ZFYVE28: variants seen among roughly 807,000 people sequenced by gnomAD.
ZFYVE28 encodes lateral signaling target protein 2 homolog.
ZFYVE28 carries 40 observed loss-of-function variants against 82.1 expected under a neutral mutation model. That is an observed-to-expected ratio of 0.49 (90% CI 0.38 to 0.63). The LOEUF is 0.63. Ranked by LOEUF, ZFYVE28 falls within the 30% of genes least tolerant of loss-of-function variation. The pLI, the probability that ZFYVE28 is intolerant of heterozygous loss-of-function variation, is 0.00. For synonymous variants in ZFYVE28, 612 were observed against 546.1 expected, an observed-to-expected ratio of 1.12 and a Z score of -1.68; for missense variants, 1,321 against 1,242.1, an observed-to-expected ratio of 1.06 and a Z score of -0.96.
rs1718976735 is a variant in ZFYVE28, at chr4:2,320,879, A to C, written c.702-608T>G. On this transcript the variant is annotated intron_variant, in intron 6 of 12. Transcript: ENST00000290974. This position sits in a 1 kb window ranked among gnomAD's most constrained non-coding sequence, Gnocchi z 5.1. ...CCAGGACTGGGGCCGCATGTGGCTG[A>C]GGCCGGCTTTCCTCACTGTCCCTCC... Among the ~76,000 whole-genome samples the C allele has an allele frequency of 6.6e-6, 1 of 152,022 alleles. No individual in the cohort carries two copies. Among genetic ancestry groups the C allele is most frequent in the African/African-American group, 2.4e-5 (1 of 41,380 alleles).
rs537903207 is a variant in ZFYVE28, at chr4:2,341,845, C to T, written c.181-230G>A. ...GACCAGCCTGGCCAACATGGCGAAA[C>T]CCCATCTCTACTAAAAATACAAAAA... On this transcript the variant is annotated intron_variant, in intron 2 of 12. Coordinates refer to ENST00000290974, the MANE Select transcript of ZFYVE28 (RefSeq NM_020972.3). This position sits in a 1 kb window ranked among gnomAD's most constrained non-coding sequence, Gnocchi z 4.5. Among the ~76,000 whole-genome samples the T allele has an allele frequency of 1.1e-3, 170 of 152,322 alleles. No individual in the cohort carries two copies. Among genetic ancestry groups the T allele is most frequent in the Admixed American group, 2.9e-3 (44 of 15,306 alleles).
At chr4:2,360,673 C>A (rs1032047638) in intron 1 of ZFYVE28, among the ~76,000 whole-genome samples, 1 of 152,160 alleles carries the variant, frequency 6.6e-6, no homozygotes, top group African/African-American at 2.4e-5. Context: ...ACACAGCTTA[C>A]AAAATTCAGT....
chr4:2,375,052 T>C, intron 1 of ZFYVE28, among the ~76,000 whole-genome samples: 1 of 152,198 alleles, frequency 6.6e-6, no homozygotes. Flanking sequence ...TAAACTCAGA[T>C]GATATGAACA....
chr4:2,392,864 G>A (rs998517209), intron 1 of ZFYVE28, among the ~76,000 whole-genome samples: 1 of 152,164 alleles, frequency 6.6e-6, no homozygotes, highest in Admixed American at 6.5e-5. Flanking sequence ...TGAGTTTAAT[G>A]AGAATCGCAC....
At chr4:2,330,927 T>C (rs1373356141) in intron 6 of ZFYVE28, 3 of 1,533,492 alleles carry the variant, frequency 2.0e-6, no homozygotes, top group African/African-American at 2.8e-5. Context: ...AGGGCAGAGA[T>C]GACACCTTGT....
chr4:2,299,366 T>C (rs1198878307), intron 8 of ZFYVE28, among the ~76,000 whole-genome samples: 1 of 151,892 alleles, frequency 6.6e-6, no homozygotes, highest in Non-Finnish European at 1.5e-5. Flanking sequence ...GGTAATCAGC[T>C]CTTTCTGGAA....
At position 2,305,397 on chromosome 4, in the gene ZFYVE28, G is replaced by A. The variant is rs773509678; in HGVS notation, c.943C>T (p.Pro315Ser). The A allele has an allele frequency of 2.4e-5, 38 of 1,612,670 alleles. No homozygotes were observed. The highest frequency in any genetic ancestry group is 3.1e-5 in the Non-Finnish European group (37 of 1,179,866). The change falls in exon 8 of 13, where the codon CCC becomes TCC. Residue 315 changes from proline (P) to serine (S), a missense_variant. Physicochemically the swap from Pro to Ser is moderately conservative, Grantham distance 74 (BLOSUM62 -1). Around this residue, in one of 2 missense-constraint regions of ZFYVE28, gnomAD observed 978 missense variants for 833.7 expected, o/e 1.17. Transcript: ENST00000290974. ...TTAGCTGAGAGTGGCCCCTCAGGGG[G>A]GAGAGGGGCAGAGAGGGCAGGCGCC... ...ALAPALSAPL[P>S]PEGPLSAKAK... is the part of the protein sequence containing the mutation.
chr4:2,338,547 C>T (rs192356870), intron 4 of ZFYVE28, among the ~76,000 whole-genome samples: 31 of 152,024 alleles, frequency 2.0e-4, no homozygotes, highest in African/African-American at 6.3e-4. Flanking sequence ...GAGCTGAGAT[C>T]GTGCCACTGC....
At chr4:2,386,613 C>G (rs986432351) in intron 1 of ZFYVE28, among the ~76,000 whole-genome samples, 1 of 152,218 alleles carries the variant, frequency 6.6e-6, no homozygotes, top group African/African-American at 2.4e-5. Flanking sequence ...TTGGCTCTCT[C>G]TCCTAAGCCC....
chr4:2,341,718 A>T lies in ZFYVE28; in HGVS notation c.181-103T>A. On this transcript the variant is annotated intron_variant, in intron 2 of 12. Coordinates refer to ENST00000290974, the MANE Select transcript of ZFYVE28 (RefSeq NM_020972.3). The surrounding 1 kb of genome is among the most constrained non-coding windows in gnomAD (Gnocchi z 4.5). ...ACGGTGCATGTGACTGTTTTTTAGG[A>T]TTATTAAAGTGATAGAGGAGGCTAG... is the stretch of plus-strand genomic sequence containing the variant. 1 of 1,494,796 alleles carries T rather than the reference A, an allele frequency of 6.7e-7. No homozygotes were observed. Among genetic ancestry groups the T allele is most frequent in the South Asian group, 1.3e-5 (1 of 78,148 alleles). 92.6% of individuals were successfully genotyped at this position (1,494,796 alleles called of 1,614,324 possible). A position where few individuals can be genotyped will look rare whatever the true frequency, so the allele number is the denominator to read the frequency against.
intron 8 of ZFYVE28, among the ~76,000 whole-genome samples, chr4:2,276,049 G>A (rs2108799869): frequency 6.6e-6 from 1 of 152,380 alleles, no homozygotes; most frequent in Non-Finnish European, 1.5e-5. Flanking sequence ...ACAACTGCCT[G>A]GTATCTAATT....
chr4:2,350,981 C>T (rs927498928), intron 2 of ZFYVE28, among the ~76,000 whole-genome samples: 4 of 152,214 alleles, frequency 2.6e-5, no homozygotes, highest in African/African-American at 4.8e-5. Flanking sequence ...GAACCATAAA[C>T]GAAGTGTTTC....
chr4:2,418,327 C>T lies in ZFYVE28; in HGVS notation c.-4G>A, dbSNP rs1381200677. The T allele has an allele frequency of 5.3e-6, 8 of 1,518,532 alleles. No homozygotes were observed. Among genetic ancestry groups the T allele is most frequent in the Non-Finnish European group, 5.3e-6 (6 of 1,131,304 alleles). 94.1% of individuals were successfully genotyped at this position (1,518,532 alleles called of 1,614,324 possible). A position where few individuals can be genotyped will look rare whatever the true frequency, so the allele number is the denominator to read the frequency against. On this transcript the variant is annotated 5_prime_UTR_variant, in exon 1 of 13. Transcript: ENST00000290974. The surrounding 1 kb of genome is among the most constrained non-coding windows in gnomAD (Gnocchi z 4.6). ...ACTTTCGGAACCTGTTCATCATCGC[C>T]GCGCCGGCCCTGGCCGGACTCCGGG...
chr4:2,388,067 C>A (rs1378100595), intron 1 of ZFYVE28, among the ~76,000 whole-genome samples: 1 of 152,226 alleles, frequency 6.6e-6, no homozygotes, highest in Non-Finnish European at 1.5e-5. Context: ...ACCCACTGAG[C>A]AGATAATGAG....
intron 1 of ZFYVE28, among the ~76,000 whole-genome samples, chr4:2,359,498 T>C (rs535215828): frequency 6.6e-6 from 1 of 152,268 alleles, no homozygotes; most frequent in African/African-American, 2.4e-5. Context: ...CCAATATACC[T>C]GGTGTCCTTA....
chr4:2,399,418 C>T (rs1730929123), intron 1 of ZFYVE28, among the ~76,000 whole-genome samples: 1 of 151,190 alleles, frequency 6.6e-6, no homozygotes, highest in Non-Finnish European at 1.5e-5. Flanking sequence ...TGTGAGAATG[C>T]CAGCATTCCC....
Position 2,339,627 on chromosome 4 carries a change from T to A in ZFYVE28, c.347A>T (p.Asn116Ile). Residue 116 changes from asparagine (N) to isoleucine (I), a missense_variant, in exon 4 of 13, where the codon AAC becomes ATC. Asn to Ile is a moderately radical substitution (Grantham distance 149). Transcript: ENST00000290974. The surrounding 1 kb of genome is among the most constrained non-coding windows in gnomAD (Gnocchi z 5.0). The part of the protein sequence containing the change: ...ECLAAGSIIM[N>I]RELESMAMRP... ...CATGGCCATGCTCTCCAGCTCCCGG[T>A]TCATGATGATGGAGCCGGCGGCCAG... 1 of 1,608,948 alleles carries A rather than the reference T, an allele frequency of 6.2e-7. No homozygotes were observed. The highest frequency in any genetic ancestry group is 1.1e-5 in the South Asian group (1 of 90,246).
intron 1 of ZFYVE28, among the ~76,000 whole-genome samples, chr4:2,399,927 C>T (rs1044849759): frequency 2.6e-5 from 4 of 152,260 alleles, no homozygotes; most frequent in Non-Finnish European, 4.4e-5. Context: ...GGGCGCCCAC[C>T]GTGGCCACTA....
At chr4:2,304,157 G>T in intron 8 of ZFYVE28, 132 bp downstream of exon 8, 1 of 1,216,298 alleles carries the variant, frequency 8.2e-7, no homozygotes, top group Non-Finnish European at 1.1e-6. Context: ...CCCCACACTC[G>T]GCCAGGGCCC....
Sources: allele counts gnomAD v4.1 joint callset (sites outside exome capture counted in the v4.1 genomes callset), GRCh38; gene constraint gnomAD v4.1.1; regional missense constraint gnomAD v4.1.1; non-coding constraint Gnocchi (gnomAD v3.1); transcripts MANE v1.5; gene names NCBI Gene and HGNC (gene_info 2026-07-23, HGNC 2026-07-21).